SMAD4: variants seen among roughly 807,000 people sequenced by gnomAD.
SMAD4 encodes SMAD family member 4.
In SMAD4, 7 loss-of-function variants were observed where a neutral mutation model predicts 63.2. The observed-to-expected ratio is 0.11, with a 90% CI of 0.06 to 0.21. The LOEUF (loss-of-function observed/expected upper bound fraction) is 0.21. Among genes scored for constraint, SMAD4 ranks in the 10% least tolerant of loss-of-function variants. The probability of loss-of-function intolerance (pLI) is 1.00; values close to 1 mark genes in which losing one functional copy is unlikely to be tolerated. For synonymous variants in SMAD4, 215 were observed against 235.4 expected (o/e 0.91, Z 0.79); for missense variants, 312 against 693.8 (o/e 0.45, Z 6.18).
chr18:51,071,095 T>G (rs1041158121), intron 10 of SMAD4, among the ~76,000 whole-genome samples: 3 of 152,166 alleles, frequency 2.0e-5, no homozygotes, highest in South Asian at 2.1e-4. Flanking sequence ...ACCTTAAAAT[T>G]TAACCATTGG....
chr18:51,050,665 A>C (rs1396588630), intron 4 of SMAD4, among the ~76,000 whole-genome samples: 1 of 152,048 alleles, frequency 6.6e-6, no homozygotes, highest in Admixed American at 6.6e-5. Context: ...TCTCAAAAAA[A>C]AAAAAAAAAG....
At position 51,065,616 on chromosome 18, in the gene SMAD4, G is replaced by C. The variant is rs1324590608; in HGVS notation, c.1139+10G>C. ...CCATTGAGAGAGCAAGGTATTGATTGTATAGTCAGATAGTTACTTTAAAAA... is the reference window on the plus strand; with the variant it reads ...CCATTGAGAGAGCAAGGTATTGATTCTATAGTCAGATAGTTACTTTAAAAA... On this transcript the variant is annotated intron_variant, in intron 9 of 11. Coordinates refer to ENST00000342988, the MANE Select transcript of SMAD4 (RefSeq NM_005359.6). 1.2e-6 allele frequency: 2 copies of C among 1,609,064 alleles called. No individual in the cohort carries two copies. The highest frequency in any genetic ancestry group is 2.7e-5 in the African/African-American group (2 of 74,854).
intron 1 of SMAD4, 88 bp downstream of exon 1, chr18:51,030,711 A>ACAG (rs1555683810): frequency 6.7e-6 from 1 of 150,172 alleles, no homozygotes; most frequent in African/African-American, 2.5e-5. Flanking sequence ...GCTCCCGACG[A>ACAG]CGGCGGCGGC....
intron 1 of SMAD4, among the ~76,000 whole-genome samples, chr18:51,032,220 C>T (rs1341325700): frequency 6.6e-6 from 1 of 152,120 alleles, no homozygotes; most frequent in Admixed American, 6.5e-5. Flanking sequence ...ATAGAAGTGG[C>T]TTTTTCTTTG....
intron 10 of SMAD4, among the ~76,000 whole-genome samples, chr18:51,073,756 C>G (rs1243570464): frequency 6.6e-6 from 1 of 151,948 alleles, no homozygotes; most frequent in Non-Finnish European, 1.5e-5. Context: ...GTCAGGAACT[C>G]CTGACCTCAA....
intron 5 of SMAD4, 137 bp from the exon 6 acceptor site, chr18:51,057,988 A>C: frequency 1.0e-6 from 1 of 960,054 alleles, no homozygotes; most frequent in Non-Finnish European, 1.6e-6. Flanking sequence ...TTTACCTGAT[A>C]GGCCATGGGT....
At chr18:51,065,661 C>CTT in intron 9 of SMAD4, 55 bp downstream of exon 9, 1 of 1,411,842 alleles carries the variant, frequency 7.1e-7, no homozygotes, top group Non-Finnish European at 9.9e-7. Flanking sequence ...AGTACATTGT[C>CTT]TTTTATTCAA....
rs1049875 is a variant in SMAD4, at chr18:51,078,558, G to C, written c.*91G>C. On this transcript the variant is annotated 3_prime_UTR_variant, in exon 12 of 12. Transcript: ENST00000342988. ...TAATCTGAAGATATATTTCACTTTT[G>C]TTCTGCTTTATCTTTTCATAAAGGG... 4.3e-6 allele frequency: 4 copies of C among 940,366 alleles called. No individual in the cohort carries two copies. The highest frequency in any genetic ancestry group is 6.5e-6 in the Non-Finnish European group (4 of 611,616). 58.3% of individuals were successfully genotyped at this position (940,366 alleles called of 1,614,324 possible). A position where few individuals can be genotyped will look rare whatever the true frequency, so the allele number is the denominator to read the frequency against.
chr18:51,065,183 A>AT (rs1392487114), intron 8 of SMAD4, among the ~76,000 whole-genome samples: 1 of 152,206 alleles, frequency 6.6e-6, no homozygotes, highest in Non-Finnish European at 1.5e-5. Flanking sequence ...GTAATTGGAA[A>AT]TTAAAAAAAA....
chr18:51,033,285 G>A (rs937790025), intron 1 of SMAD4, among the ~76,000 whole-genome samples: 2 of 151,880 alleles, frequency 1.3e-5, no homozygotes, highest in African/African-American at 4.8e-5. Flanking sequence ...CGCCTTCCGG[G>A]TTCAAGCGAT....
At chr18:51,077,619 C>G (rs1046612781) in intron 11 of SMAD4, among the ~76,000 whole-genome samples, 5 of 152,138 alleles carry the variant, frequency 3.3e-5, no homozygotes, top group African/African-American at 1.2e-4. Context: ...GTAGATTAGG[C>G]ATATTCATTG....
chr18:51,044,696 A>T (rs1031732115), intron 1 of SMAD4, among the ~76,000 whole-genome samples: 21 of 152,226 alleles, frequency 1.4e-4, no homozygotes, highest in Admixed American at 3.9e-4. Flanking sequence ...CCTGGCCACA[A>T]TTAAGCATGT....
chr18:51,064,106 T>G (rs1910088099), intron 8 of SMAD4, among the ~76,000 whole-genome samples: 1 of 151,976 alleles, frequency 6.6e-6, no homozygotes, highest in East Asian at 1.9e-4. Flanking sequence ...TAAGTAACTT[T>G]GTTGAAAGTA....
rs1909801735 is a variant in SMAD4 at position 51,054,957 on chromosome 18, A to G, written c.631A>G (p.Thr211Ala). 2 of 1,614,178 alleles carry G rather than the reference A, an allele frequency of 1.2e-6. No homozygotes were observed. Among genetic ancestry groups the G allele is most frequent in the Non-Finnish European group, 1.7e-6 (2 of 1,180,004 alleles). Residue 211 changes from threonine to alanine, a missense_variant, in exon 5 of 12, where the codon ACT becomes GCT. Thr to Ala is a moderately conservative substitution (Grantham distance 58). This residue lies in a region of SMAD4 where 169 missense variants were observed against 211.0 expected (regional missense o/e 0.80). Transcript: ENST00000342988. Reference sequence around the variant, plus strand: ...CCCATCTGAGTCTAATGCTACCAGCACTGCCAACTTTCCCAACATTCCTGT... The same window carrying G: ...CCCATCTGAGTCTAATGCTACCAGCGCTGCCAACTTTCCCAACATTCCTGT... The part of the protein sequence containing the change: ...LAPSESNATS[T>A]ANFPNIPVAS...
chr18:51,054,991 C>G lies in SMAD4; in HGVS notation c.665C>G (p.Thr222Arg), dbSNP rs2144419721. Reference protein sequence around the residue: ...ANFPNIPVASTSQPASILGGS... With the variant: ...ANFPNIPVASRSQPASILGGS... ...TTTCCCAACATTCCTGTGGCTTCCA[C>G]AAGTGAGTTCTAGAATCAGATGTAG... The change falls in exon 5 of 12, where the codon ACA becomes AGA. Residue 222 changes from threonine to arginine, a missense_variant and splice_region_variant. By Grantham distance (71) the Thr-to-Arg change is moderately conservative. Around this residue, in one of 4 missense-constraint regions of SMAD4, gnomAD observed 169 missense variants for 211.0 expected, o/e 0.80. Coordinates refer to ENST00000342988, the MANE Select transcript of SMAD4 (RefSeq NM_005359.6). 1 of 1,610,596 alleles carries G rather than the reference C, an allele frequency of 6.2e-7. No individual in the cohort carries two copies. Among genetic ancestry groups the G allele is most frequent in the Non-Finnish European group, 8.5e-7 (1 of 1,176,750 alleles).
Position 51,030,524 on chromosome 18 carries a change from C to T in SMAD4, c.-227C>T, listed in dbSNP as rs1346989560. 1 of 150,156 alleles carries T rather than the reference C, an allele frequency of 6.7e-6. No homozygotes were observed. The highest frequency in any genetic ancestry group is 6.6e-5 in the Admixed American group (1 of 15,092). 9.3% of individuals were successfully genotyped at this position (150,156 alleles called of 1,614,324 possible). On this transcript the variant is annotated 5_prime_UTR_variant, in exon 1 of 12. Coordinates refer to ENST00000342988, the MANE Select transcript of SMAD4 (RefSeq NM_005359.6). ...GGCCGGGACGCCTCGGGGCGGGGGC[C>T]GAGGAGCTCTCCGGGCCGCCGGGGA...
At position 51,055,531 on chromosome 18, in the gene SMAD4, A is replaced by T. The variant is rs527965653; in HGVS notation, c.667+538A>T. Among the ~76,000 whole-genome samples, 170 of 56,878 alleles carry T rather than the reference A, an allele frequency of 3.0e-3. 1 individual carries two copies. Among genetic ancestry groups the T allele is most frequent in the African/African-American group, 9.5e-3 (150 of 15,770 alleles). 37.3% of individuals were successfully genotyped at this position (56,878 alleles called of 152,430 possible). On this transcript the variant is annotated intron_variant, in intron 5 of 11. Coordinates refer to ENST00000342988, the MANE Select transcript of SMAD4 (RefSeq NM_005359.6). ...CTCTTTTTAAAATATATGTGTAATT[A>T]AAAAAAAAAAGTGTTTCAGAAAGAT...
rs979412318 is a variant in SMAD4 at position 51,082,307 on chromosome 18, T to A, written c.*3840T>A. The stretch of plus-strand genomic sequence containing the variant: ...CCTCTTTTGCAAAGACTACAGAGAA[T>A]AGGCTATGACAATCTTGTTCAAGCC... On this transcript the variant is annotated 3_prime_UTR_variant, in exon 12 of 12. Coordinates refer to ENST00000342988, the MANE Select transcript of SMAD4 (RefSeq NM_005359.6). The A allele has an allele frequency of 3.5e-5, 8 of 228,220 alleles. No individual in the cohort carries two copies. The highest frequency in any genetic ancestry group is 5.2e-5 in the Non-Finnish European group (6 of 115,018). 14.1% of individuals were successfully genotyped at this position (228,220 alleles called of 1,614,324 possible).
chr18:51,035,135 G>A (rs1329687570), intron 1 of SMAD4, among the ~76,000 whole-genome samples: 1 of 152,094 alleles, frequency 6.6e-6, no homozygotes, highest in Admixed American at 6.5e-5. Context: ...CTTTGCTTCT[G>A]TGTCTGTCTC....
Sources: allele counts gnomAD v4.1 joint callset (sites outside exome capture counted in the v4.1 genomes callset), GRCh38; gene constraint gnomAD v4.1.1; regional missense constraint gnomAD v4.1.1; transcripts MANE v1.5; gene names NCBI Gene and HGNC (gene_info 2026-07-23, HGNC 2026-07-21).